Variants in SLC5A12 observed in about 807,000 individuals in gnomAD.
The protein encoded by SLC5A12 is sodium-coupled monocarboxylate transporter 2.
In SLC5A12, 46 loss-of-function variants were observed where a neutral mutation model predicts 72.7. The observed-to-expected ratio is 0.63, with a 90% confidence interval of 0.50 to 0.81. The LOEUF is 0.81. Ranked by LOEUF, SLC5A12 falls within the 30% of genes least tolerant of loss-of-function variation. The probability of loss-of-function intolerance (pLI) is 0.00; values close to 1 mark genes in which losing one functional copy is unlikely to be tolerated. For synonymous variants in SLC5A12, 275 were observed against 264.4 expected, an observed-to-expected ratio of 1.04 and a Z score of -0.39; for missense variants, 683 against 740.7, an observed-to-expected ratio of 0.92 and a Z score of 0.90.
intron 4 of SLC5A12, among the ~76,000 whole-genome samples, chr11:26,706,613 T>G (rs1855095286): frequency 6.6e-6 from 1 of 151,878 alleles, no homozygotes; most frequent in Non-Finnish European, 1.5e-5. Flanking sequence ...TTTGACTATT[T>G]TATTTAAATG....
chr11:26,695,439 A>G (rs940913545), intron 8 of SLC5A12, among the ~76,000 whole-genome samples: 2 of 152,178 alleles, frequency 1.3e-5, no homozygotes, highest in Admixed American at 1.3e-4. Flanking sequence ...AATAACATTA[A>G]TATTTACTAA....
chr11:26,712,729 C>T (rs1312527190), intron 1 of SLC5A12, 23 bp from the exon 2 acceptor site: 3 of 1,558,610 alleles, frequency 1.9e-6, no homozygotes, highest in Admixed American at 3.4e-5. Flanking sequence ...GAAAGACATG[C>T]AGAGTCAGTG....
rs1854066700 is a variant in SLC5A12 at position 26,669,127 on chromosome 11, T to C, written c.*1975A>G. ...TTTATTCTCATCCTCAGAATTGCTG[T>C]TTTTTTATTCTTTCTGTCTCTCTCT... On this transcript the variant is annotated 3_prime_UTR_variant, in exon 15 of 15. Transcript: ENST00000396005. 1 of 146,786 alleles carries C rather than the reference T, an allele frequency of 6.8e-6. No homozygotes were observed. 9.1% of individuals were successfully genotyped at this position (146,786 alleles called of 1,614,324 possible).
intron 12 of SLC5A12, among the ~76,000 whole-genome samples, chr11:26,680,046 C>A (rs1351298458): frequency 6.6e-6 from 1 of 151,702 alleles, no homozygotes; most frequent in Non-Finnish European, 1.5e-5. Context: ...ATATGCCGGA[C>A]CGAGAGAGAC....
chr11:26,672,399 A>T (rs1292951936), intron 14 of SLC5A12, among the ~76,000 whole-genome samples: 2 of 152,086 alleles, frequency 1.3e-5, no homozygotes. Flanking sequence ...CAACAACAAA[A>T]AATACTCCTG....
intron 9 of SLC5A12, among the ~76,000 whole-genome samples, chr11:26,688,718 C>T (rs1380364759): frequency 6.6e-6 from 1 of 151,922 alleles, no homozygotes; most frequent in African/African-American, 2.4e-5. Flanking sequence ...CAAGAGAAAA[C>T]AAGATGAAAA....
chr11:26,668,931 T>C lies in SLC5A12; in HGVS notation c.*2171A>G, dbSNP rs1432675206. 2 of 152,008 alleles carry C rather than the reference T, an allele frequency of 1.3e-5. No individual in the cohort carries two copies. The highest frequency in any genetic ancestry group is 4.8e-5 in the African/African-American group (2 of 41,422). The allele number at this position is 152,008 out of a possible 1,614,324, so 9.4% of individuals were successfully genotyped here. A position where few individuals can be genotyped will look rare whatever the true frequency, so the allele number is the denominator to read the frequency against. On this transcript the variant is annotated 3_prime_UTR_variant, in exon 15 of 15. Transcript: ENST00000396005. The stretch of plus-strand genomic sequence containing the variant: ...ATGTACTGACCTAGTGAAATGTCTT[T>C]AGGAGAATTTGTGAGTAAAATTTGT...
intron 13 of SLC5A12, among the ~76,000 whole-genome samples, chr11:26,678,408 C>T (rs1010755903): frequency 2.6e-5 from 4 of 151,902 alleles, no homozygotes; most frequent in African/African-American, 9.7e-5. Context: ...GAGACGGAGC[C>T]TTGCTCTGTT....
chr11:26,719,869 G>T (rs1855438296), intron 1 of SLC5A12, among the ~76,000 whole-genome samples: 1 of 152,100 alleles, frequency 6.6e-6, no homozygotes, highest in Admixed American at 6.5e-5. Context: ...TTTAGCATAT[G>T]ATATCTAAAG....
At chr11:26,693,394 G>T (rs1439773976) in intron 8 of SLC5A12, among the ~76,000 whole-genome samples, 1 of 152,186 alleles carries the variant, frequency 6.6e-6, no homozygotes, top group Non-Finnish European at 1.5e-5. Context: ...GTAGCAAGAG[G>T]TAAGACTGGG....
chr11:26,671,383 C>T, intron 14 of SLC5A12, 132 bp from the exon 15 acceptor site: 1 of 644,526 alleles, frequency 1.6e-6, no homozygotes, highest in South Asian at 2.9e-5. Context: ...ACAACTCTGA[C>T]CTAAGACATT....
At chr11:26,718,588 G>A (rs1855405244) in intron 1 of SLC5A12, among the ~76,000 whole-genome samples, 1 of 151,980 alleles carries the variant, frequency 6.6e-6, no homozygotes, top group South Asian at 2.1e-4. Context: ...GAGTAGCTGG[G>A]ATTACATGTG....
upstream of SLC5A12, among the ~76,000 whole-genome samples, chr11:26,722,621 C>A (rs1224087854): frequency 6.6e-6 from 1 of 152,094 alleles, no homozygotes; most frequent in Non-Finnish European, 1.5e-5. Context: ...TAGCCTTCAA[C>A]TTTATCTTGT....
intron 8 of SLC5A12, among the ~76,000 whole-genome samples, chr11:26,694,308 G>GT (rs11422923): frequency 0.046 from 7,048 of 152,150 alleles, 537 homozygotes; most frequent in African/African-American, 0.16. Flanking sequence ...TGTCCAGTGT[G>GT]TTTCTTCCTT....
chr11:26,682,652 T>C (rs1442663677), intron 11 of SLC5A12, among the ~76,000 whole-genome samples: 7 of 152,142 alleles, frequency 4.6e-5, no homozygotes, highest in Admixed American at 2.0e-4. Context: ...CAAGGTGATT[T>C]CATTAAGAGA....
intron 1 of SLC5A12, among the ~76,000 whole-genome samples, chr11:26,713,734 A>T (rs2133216447): frequency 6.6e-6 from 1 of 152,270 alleles, no homozygotes; most frequent in Admixed American, 6.5e-5. Context: ...AATTGCCACC[A>T]ATTTGTTGTC....
chr11:26,677,179 A>C (rs536654468), intron 13 of SLC5A12, among the ~76,000 whole-genome samples: 23 of 152,002 alleles, frequency 1.5e-4, no homozygotes, highest in Non-Finnish European at 3.1e-4. Context: ...CAAATGTTTG[A>C]AGGCATAATT....
At position 26,721,448 on chromosome 11, in the gene SLC5A12, T is replaced by C. The variant is rs748230078; in HGVS notation, c.267A>G (p.Leu89=). The C allele has an allele frequency of 6.8e-6, 11 of 1,613,592 alleles. No individual in the cohort carries two copies. The highest frequency in any genetic ancestry group is 9.3e-6 in the Non-Finnish European group (11 of 1,179,928). Residue 89 remains leucine (L), a synonymous_variant, in exon 1 of 15, where the codon CTA becomes CTG. Transcript: ENST00000396005. The part of the protein sequence containing the change: ...ASFLVFFIAY[L]FVILLTSELF... ...GCTCTGATGTTAAGAGGATGACAAA[T>C]AGGTAAGCAATGAAGAAGACTAGGA... is the stretch of plus-strand genomic sequence containing the variant.
intron 4 of SLC5A12, among the ~76,000 whole-genome samples, chr11:26,708,046 C>T (rs931979633): frequency 1.3e-5 from 2 of 152,010 alleles, no homozygotes; most frequent in Non-Finnish European, 2.9e-5. Flanking sequence ...CTGTTATCAC[C>T]ACCTGCCTTC....
Sources: allele counts gnomAD v4.1 joint callset (sites outside exome capture counted in the v4.1 genomes callset), GRCh38; gene constraint gnomAD v4.1.1; transcripts MANE v1.5; gene names NCBI Gene and HGNC (gene_info 2026-07-23, HGNC 2026-07-21).